Variants in STIM2 observed in about 807,000 individuals in gnomAD.
The protein encoded by STIM2 is stromal interaction molecule 2.
Under a neutral mutation model 85.8 loss-of-function variants are expected in STIM2, and 31 were observed. The observed-to-expected ratio is 0.36, with a 90% CI of 0.27 to 0.49. The LOEUF is 0.49. Among genes scored for constraint, STIM2 ranks in the 20% least tolerant of loss-of-function variants. The pLI, the probability that STIM2 is intolerant of heterozygous loss-of-function variation, is 0.98. For synonymous variants in STIM2, 356 were observed against 331.1 expected, an observed-to-expected ratio of 1.08 and a Z score of -0.82; for missense variants, 841 against 927.6, an observed-to-expected ratio of 0.91 and a Z score of 1.21.
chr4:27,006,850 A>G (rs1171295317), intron 7 of STIM2, among the ~76,000 whole-genome samples: 1 of 152,218 alleles, frequency 6.6e-6, no homozygotes, highest in Non-Finnish European at 1.5e-5. Context: ...CATGCTCTGC[A>G]GATGTTCACT....
intron 10 of STIM2, among the ~76,000 whole-genome samples, chr4:27,010,680 T>C (rs1223977369): frequency 2.0e-5 from 3 of 152,132 alleles, no homozygotes; most frequent in Non-Finnish European, 2.9e-5. Flanking sequence ...AGTTAAAATT[T>C]TTTTTTTACC....
At chr4:26,927,467 G>C (rs2109070659) in intron 2 of STIM2, among the ~76,000 whole-genome samples, 1 of 43,872 alleles carries the variant, frequency 2.3e-5, no homozygotes, top group Non-Finnish European at 4.5e-5. Flanking sequence ...ACTCATAGGT[G>C]GGAATTGAAC....
rs772563282 is a variant in STIM2, at chr4:27,002,286, G to T, written c.695G>T (p.Trp232Leu). The T allele has an allele frequency of 2.7e-5, 44 of 1,613,466 alleles. No individual in the cohort carries two copies. The highest frequency in any genetic ancestry group is 3.7e-5 in the Non-Finnish European group (44 of 1,179,862). The change falls in exon 6 of 12, where the codon TGG becomes TTG. Residue 232 changes from tryptophan to leucine, a missense_variant. Physicochemically the swap from Trp to Leu is moderately conservative, Grantham distance 61 (BLOSUM62 -2). This residue lies in a region of STIM2 where 408 missense variants were observed against 525.4 expected (regional missense o/e 0.78). Coordinates refer to ENST00000467087, the MANE Select transcript of STIM2 (RefSeq NM_020860.4). The stretch of plus-strand genomic sequence containing the variant: ...ATAGTAATTGGTGTTGGAGGCTGCT[G>T]GTTTGCTTATACGCAGAATAAGACA...
intron 11 of STIM2, chr4:27,019,607 T>G: frequency 1.5e-6 from 1 of 645,746 alleles, no homozygotes; most frequent in African/African-American, 1.9e-5. Flanking sequence ...AAAACTTTTC[T>G]TCCTCTTCAT....
At chr4:26,979,725 TA>T (rs1188372463) in intron 3 of STIM2, among the ~76,000 whole-genome samples, 5 of 152,230 alleles carry the variant, frequency 3.3e-5, no homozygotes, top group Non-Finnish European at 7.3e-5. Context: ...AGAGTTTTAT[TA>T]AATTTTAAGT....
intron 2 of STIM2, among the ~76,000 whole-genome samples, chr4:26,943,519 T>C (rs183596474): frequency 1.7e-3 from 262 of 152,304 alleles, no homozygotes; most frequent in Admixed American, 4.6e-3. Flanking sequence ...ATAGGTTTCT[T>C]GCTTTCCGCA....
chr4:26,878,648 C>T (rs770325884), intron 1 of STIM2, among the ~76,000 whole-genome samples: 1 of 151,982 alleles, frequency 6.6e-6, no homozygotes, highest in Non-Finnish European at 1.5e-5. Flanking sequence ...ACTTGTATTC[C>T]CCATCTGTAT....
intron 1 of STIM2, among the ~76,000 whole-genome samples, chr4:26,892,040 T>C (rs1016923200): frequency 1.3e-5 from 2 of 152,208 alleles, no homozygotes; most frequent in Non-Finnish European, 2.9e-5. Flanking sequence ...GGAGTTTCTC[T>C]GCACAAGCTC....
Position 26,883,313 on chromosome 4 carries a change from C to G in STIM2, c.151+21944C>G, listed in dbSNP as rs529257430. Among the ~76,000 whole-genome samples the G allele has an allele frequency of 2.0e-5, 3 of 152,168 alleles. No individual in the cohort carries two copies. In the South Asian group the frequency reaches 6.2e-4, roughly 31 times the overall value. ...GGTATATTATTTGCTAACTCAGAATCTCTTTGCCTCAATTTCTCCTTGGGT... is the reference window on the plus strand; with the variant it reads ...GGTATATTATTTGCTAACTCAGAATGTCTTTGCCTCAATTTCTCCTTGGGT... On this transcript the variant is annotated intron_variant, in intron 1 of 11. Transcript: ENST00000467087.
chr4:26,956,041 A>G (rs1726225481), intron 2 of STIM2, among the ~76,000 whole-genome samples: 1 of 152,172 alleles, frequency 6.6e-6, no homozygotes, highest in African/African-American at 2.4e-5. Flanking sequence ...GGTGATGTTC[A>G]TTGCCAGTGT....
chr4:26,861,296 G>T lies in STIM2; in HGVS notation c.78G>T (p.Arg26=). 6.9e-7 allele frequency: 1 copy of T among 1,448,338 alleles called. No homozygotes were observed. The highest frequency in any genetic ancestry group is 1.3e-5 in the South Asian group (1 of 74,904). The allele number at this position is 1,448,338 out of a possible 1,614,324, so 89.7% of individuals were successfully genotyped here. The change falls in exon 1 of 12, where the codon CGG becomes CGT. Residue 26 remains arginine, a synonymous_variant. Coordinates refer to ENST00000467087, the MANE Select transcript of STIM2 (RefSeq NM_020860.4). ...TGCCCCGGCACCTCCGCGGGCGGCG[G>T]GCGACTGGCTCTGCCGCAACTGCCG...
chr4:26,956,548 A>G (rs548191890), intron 2 of STIM2, among the ~76,000 whole-genome samples: 130 of 151,888 alleles, frequency 8.6e-4, no homozygotes, highest in African/African-American at 2.8e-3. Context: ...GGCTCAAGCA[A>G]TTCTCCTGCC....
chr4:26,911,628 C>G (rs1287468265), intron 1 of STIM2, among the ~76,000 whole-genome samples: 1 of 152,156 alleles, frequency 6.6e-6, no homozygotes, highest in Non-Finnish European at 1.5e-5. Context: ...CTAGAGTCTT[C>G]TTCCTGCATT....
rs7700108 is a variant in STIM2 at position 26,967,785 on chromosome 4, G to A, written c.397+10059G>A. Among the ~76,000 whole-genome samples, 11 of 151,756 alleles carry A rather than the reference G, an allele frequency of 7.2e-5. No individual in the cohort carries two copies. In the South Asian group the frequency reaches 1.9e-3, roughly 26 times the overall value. ...TTCTCTTTGCATTGTATGCATCTTC[G>A]TAAGTGATTTCTTCCCTCCACTTTC... On this transcript the variant is annotated intron_variant, in intron 3 of 11. Transcript: ENST00000467087.
chr4:26,973,973 A>T (rs879487146), intron 3 of STIM2, among the ~76,000 whole-genome samples: 1 of 152,122 alleles, frequency 6.6e-6, no homozygotes, highest in Non-Finnish European at 1.5e-5. Context: ...TGTTGAATTG[A>T]TCCCTTTACC....
chr4:26,974,119 T>C (rs773051564), intron 3 of STIM2, among the ~76,000 whole-genome samples: 11 of 152,200 alleles, frequency 7.2e-5, no homozygotes, highest in Non-Finnish European at 1.2e-4. Flanking sequence ...ATTTTGAGCC[T>C]ATGTAAGTCT....
At position 27,002,429 on chromosome 4, in the gene STIM2, G is replaced by A. The variant is rs775559517; in HGVS notation, c.803+35G>A. The stretch of plus-strand genomic sequence containing the variant: ...GAAAAATCATAACTCATTTATGTAG[G>A]CAAATACAATTTGTAAAAAAAGTGA... On this transcript the variant is annotated intron_variant, in intron 6 of 11. Coordinates refer to ENST00000467087, the MANE Select transcript of STIM2 (RefSeq NM_020860.4). 4.6e-6 allele frequency: 7 copies of A among 1,525,204 alleles called. 2 individuals are homozygous for A. The South Asian group carries it at 8.9e-5, about 19-fold the overall frequency. 94.5% of individuals were successfully genotyped at this position (1,525,204 alleles called of 1,614,324 possible).
At chr4:27,002,873 AAAAAT>A in intron 6 of STIM2, 49 bp from the exon 7 acceptor site, 1 of 1,430,454 alleles carries the variant, frequency 7.0e-7, no homozygotes. Context: ...TTTTGTAAAA[AAAAAT>A]AAAACTGGAA....
At chr4:27,000,662 A>T (rs1192338569) in intron 5 of STIM2, among the ~76,000 whole-genome samples, 1 of 152,252 alleles carries the variant, frequency 6.6e-6, no homozygotes, top group Non-Finnish European at 1.5e-5. Context: ...AAAAGATTGT[A>T]AACAAATATT....
Sources: gnomAD v4.1 joint callset for allele counts (sites outside exome capture counted in the v4.1 genomes callset) on GRCh38, gnomAD v4.1.1 for gene constraint, gnomAD v4.1.1 regional missense constraint, MANE v1.5 for transcripts, NCBI Gene and HGNC (gene_info 2026-07-23, HGNC 2026-07-21) for gene names.